Variants in MORC3 observed in about 807,000 individuals in gnomAD.
MORC3 encodes the protein MORC family CW-type zinc finger 3.
In MORC3, 31 loss-of-function variants were observed where a neutral mutation model predicts 109.1. The ratio of observed to expected loss-of-function variants is 0.28; its 90% confidence interval spans 0.21 to 0.38. MORC3 has a LOEUF of 0.38. MORC3 is among the 10% of genes least tolerant of loss of function. MORC3 has a pLI of 1.00. For synonymous variants in MORC3, 395 were observed against 380.7 expected (o/e 1.04, Z -0.44); for missense variants, 867 against 1,135.8 (o/e 0.76, Z 3.40).
rs765269483 is a variant in MORC3, at chr21:36,364,169, G to T, written c.1529G>T (p.Arg510Ile). The T allele has an allele frequency of 6.2e-7, 1 of 1,614,056 alleles. No individual in the cohort carries two copies. The highest frequency in any genetic ancestry group is 8.5e-7 in the Non-Finnish European group (1 of 1,179,960). The change falls in exon 14 of 17, where the codon AGA (arginine) becomes ATA (isoleucine). Residue 510 changes from arginine (R) to isoleucine (I), a missense_variant. Around this residue, in one of 7 missense-constraint regions of MORC3, gnomAD observed 486 missense variants for 502.1 expected, o/e 0.97. Coordinates refer to ENST00000400485, the MANE Select transcript of MORC3 (RefSeq NM_015358.3). The stretch of plus-strand genomic sequence containing the variant: ...TCTTCTCCTAAGGAAAGTGTTCCAA[G>T]AAGACATCTTTCAGAAGGAACAAAT... ...SFSSPKESVP[R>I]RHLSEGTNSY...
chr21:36,343,694 G>T (rs925653756), intron 6 of MORC3, among the ~76,000 whole-genome samples: 1 of 151,814 alleles, frequency 6.6e-6, no homozygotes, highest in African/African-American at 2.4e-5. Context: ...TGATCCGCCC[G>T]CCTCGGCCTC....
intron 15 of MORC3, among the ~76,000 whole-genome samples, chr21:36,371,875 G>A (rs146044183): frequency 0.025 from 3,724 of 150,726 alleles, 66 homozygotes; most frequent in Admixed American, 0.046. Flanking sequence ...GTGCAATGGC[G>A]TGATCTCAGC....
chr21:36,323,332 C>A (rs1455653536), intron 1 of MORC3, among the ~76,000 whole-genome samples: 1 of 152,188 alleles, frequency 6.6e-6, no homozygotes. Flanking sequence ...GTCATTTAAC[C>A]TCTTTGTGCC....
At position 36,369,709 on chromosome 21, in the gene MORC3, G is replaced by C. The variant is rs773658585; in HGVS notation, c.2341G>C (p.Glu781Gln). 1.2e-6 allele frequency: 2 copies of C among 1,614,168 alleles called. No homozygotes were observed. The highest frequency in any genetic ancestry group is 1.7e-6 in the Non-Finnish European group (2 of 1,180,020). ...GTATCAGCAAGCTTTGGAAGAAATA[G>C]AAAGGCTGAAAAAACAATGTAGTGC... The part of the protein sequence containing the change: ...SQYQQALEEI[E>Q]RLKKQCSALQ... Residue 781 changes from glutamate (E) to glutamine (Q), a missense_variant, in exon 15 of 17, where the codon GAA (glutamate) becomes CAA (glutamine). Physicochemically the swap from Glu to Gln is conservative, Grantham distance 29. This residue lies in a region of MORC3 where 486 missense variants were observed against 502.1 expected (regional missense o/e 0.97). Transcript: ENST00000400485.
intron 8 of MORC3, among the ~76,000 whole-genome samples, chr21:36,348,482 A>G (rs914242034): frequency 1.3e-5 from 2 of 152,174 alleles, no homozygotes; most frequent in African/African-American, 4.8e-5. Flanking sequence ...ATCTCAGCTC[A>G]CTGCAACCTC....
At chr21:36,368,923 C>A in intron 14 of MORC3, 65 bp from the exon 15 acceptor site, 1 of 1,378,452 alleles carries the variant, frequency 7.3e-7, no homozygotes, top group Non-Finnish European at 9.8e-7. Context: ...AGAATGATTA[C>A]TTCAAGGTCA....
chr21:36,356,790 G>A (rs2835339), intron 10 of MORC3, 66 bp downstream of exon 10: 1 of 994,952 alleles, frequency 1.0e-6, no homozygotes, highest in Non-Finnish European at 1.5e-6. Context: ...AGAGTAAAGG[G>A]ATTGTACAAT....
At chr21:36,373,422 G>A (rs1279725876) in intron 16 of MORC3, among the ~76,000 whole-genome samples, 3 of 149,798 alleles carry the variant, frequency 2.0e-5, no homozygotes, top group Admixed American at 2.0e-4. Context: ...TCAGGAGTTC[G>A]AGACCAGCCT....
At position 36,327,344 on chromosome 21, in the gene MORC3, G is replaced by GA. The variant is rs1016583309; in HGVS notation, c.40-6301dup. On this transcript the variant is annotated intron_variant, in intron 1 of 16. Coordinates refer to ENST00000400485, the MANE Select transcript of MORC3 (RefSeq NM_015358.3). ...GCTAATTTTTTTGGCTTTTGGTAGA[G>GA]ACGGGGTTTTGCCATGTTGGCCAGG... Among the ~76,000 whole-genome samples, 38 of 144,988 alleles carry GA rather than the reference G, an allele frequency of 2.6e-4. 2 individuals carry two copies. Among genetic ancestry groups the GA allele is most frequent in the African/African-American group, 1.1e-3 (38 of 35,050 alleles).
In MORC3 at chr21:36,339,002, C is replaced by G. The variant is rs574680737; in HGVS notation, c.608+81C>G. On this transcript the variant is annotated intron_variant, in intron 5 of 16. Transcript: ENST00000400485. ...GTGGTGTTATATTCATCTCTCGTTA[C>G]ACACAGTAGAAATACATGGAAAGGT... The G allele has an allele frequency of 2.8e-5, 41 of 1,458,144 alleles. 1 individual carries two copies. In the East Asian group the frequency reaches 9.0e-4, roughly 32 times the overall value. 90.3% of individuals were successfully genotyped at this position (1,458,144 alleles called of 1,614,324 possible).
In MORC3 at chr21:36,362,214, G is replaced by A; in HGVS notation, c.1438G>A (p.Glu480Lys). 6.2e-7 allele frequency: 1 copy of A among 1,608,910 alleles called. No individual in the cohort carries two copies. The highest frequency in any genetic ancestry group is 8.5e-7 in the Non-Finnish European group (1 of 1,178,754). The change falls in exon 13 of 17, where the codon GAA (glutamate) becomes AAA (lysine). Residue 480 changes from glutamate to lysine, a missense_variant. Around this residue, in one of 7 missense-constraint regions of MORC3, gnomAD observed 486 missense variants for 502.1 expected, o/e 0.97. Transcript: ENST00000400485. ...GGAAAAATTCAGGATCAGACAACCG[G>A]AAATGATCCCTCGGGTAATTAAGCC... ...NKEKFRIRQP[E>K]MIPRINAELL... is the part of the protein sequence containing the mutation.
intron 3 of MORC3, 118 bp from the exon 4 acceptor site, chr21:36,337,614 C>G: frequency 1.5e-6 from 1 of 689,624 alleles, no homozygotes; most frequent in Non-Finnish European, 2.1e-6. Flanking sequence ...TATTTGAACC[C>G]AGGCTTTTTA....
intron 10 of MORC3, among the ~76,000 whole-genome samples, chr21:36,358,324 G>A (rs1273957756): frequency 1.3e-5 from 2 of 152,006 alleles, no homozygotes; most frequent in South Asian, 2.1e-4. Flanking sequence ...GGCAGAGGTT[G>A]CAATGAACCG....
intron 14 of MORC3, 52 bp downstream of exon 14, chr21:36,364,311 A>G: frequency 6.4e-7 from 1 of 1,554,118 alleles, no homozygotes; most frequent in Non-Finnish European, 8.8e-7. Flanking sequence ...CAGAGCTTTT[A>G]CTTGACACTT....
At chr21:36,365,738 G>T (rs189575186) in intron 14 of MORC3, among the ~76,000 whole-genome samples, 316 of 152,158 alleles carry the variant, frequency 2.1e-3, no homozygotes, top group African/African-American at 7.0e-3. Context: ...GCACCACCAT[G>T]CCTGGCTAAT....
At chr21:36,333,749 G>A in intron 2 of MORC3, 31 bp downstream of exon 2, 1 of 1,403,392 alleles carries the variant, frequency 7.1e-7, no homozygotes, top group Non-Finnish European at 9.8e-7. Context: ...TATACCATTT[G>A]TTGCTTACAA....
chr21:36,366,327 G>A (rs2085781192), intron 14 of MORC3, among the ~76,000 whole-genome samples: 1 of 152,126 alleles, frequency 6.6e-6, no homozygotes, highest in African/African-American at 2.4e-5. Flanking sequence ...TTAGGATAAA[G>A]GCCTCCAGCT....
At chr21:36,355,864 C>T (rs939445214) in intron 9 of MORC3, among the ~76,000 whole-genome samples, 79 of 151,846 alleles carry the variant, frequency 5.2e-4, no homozygotes, top group Middle Eastern at 3.5e-3. Context: ...CCTCAACCTA[C>T]ATATCAAGCA....
At chr21:36,350,741 C>T (rs1034824521) in intron 9 of MORC3, among the ~76,000 whole-genome samples, 10 of 152,080 alleles carry the variant, frequency 6.6e-5, no homozygotes, top group Non-Finnish European at 1.3e-4. Context: ...TTTTAGATGA[C>T]GTGGACACAT....
Sources: allele counts gnomAD v4.1 joint callset (sites outside exome capture counted in the v4.1 genomes callset), GRCh38; gene constraint gnomAD v4.1.1; regional missense constraint gnomAD v4.1.1; transcripts MANE v1.5; gene names NCBI Gene and HGNC (gene_info 2026-07-23, HGNC 2026-07-21).